Variants in SYN2 observed in about 807,000 individuals in gnomAD.
SYN2 encodes synapsin-2.
SYN2 carries 19 observed loss-of-function variants against 50.9 expected under a neutral mutation model. The ratio of observed to expected loss-of-function variants is 0.37; its 90% CI spans 0.26 to 0.55. SYN2 has a LOEUF of 0.55. Among genes scored for constraint, SYN2 ranks in the 20% least tolerant of loss-of-function variants. The pLI is 0.81. For synonymous variants in SYN2, 255 were observed against 224.9 expected (o/e 1.13, Z -1.20); for missense variants, 587 against 576.4 (o/e 1.02, Z -0.19).
At chr3:12,050,698 T>C (rs1694837297) in intron 1 of SYN2, among the ~76,000 whole-genome samples, 1 of 143,406 alleles carries the variant, frequency 7.0e-6, no homozygotes, top group Non-Finnish European at 1.5e-5. Context: ...TAATCTCATC[T>C]TTCTTCTCTT....
At chr3:12,057,065 G>A (rs1695005882) in intron 1 of SYN2, among the ~76,000 whole-genome samples, 1 of 152,134 alleles carries the variant, frequency 6.6e-6, no homozygotes, top group Non-Finnish European at 1.5e-5. Flanking sequence ...GCTGAGGCAA[G>A]CGGATCACTT....
rs73139662 is a variant in SYN2 at position 12,109,098 on chromosome 3, G to C, written c.378-31553G>C. ...CATTATCATGAATCATTTTAAGGGA[G>C]TATTTTATAGAAAATTGGAATAGGG... On this transcript the variant is annotated intron_variant, in intron 1 of 12. Coordinates refer to ENST00000621198, the MANE Select transcript of SYN2 (RefSeq NM_133625.6). Among the ~76,000 whole-genome samples the C allele has an allele frequency of 1.6e-3, 248 of 152,206 alleles. 3 individuals carry two copies. Among genetic ancestry groups the C allele is most frequent in the African/African-American group, 5.6e-3 (234 of 41,510 alleles).
At position 12,082,993 on chromosome 3, in the gene SYN2, C is replaced by T. The variant is rs1018556749; in HGVS notation, c.378-57658C>T. Among the ~76,000 whole-genome samples the T allele has an allele frequency of 3.9e-5, 6 of 152,034 alleles. No individual in the cohort carries two copies. The South Asian group carries it at 8.3e-4, about 21-fold the overall frequency. On this transcript the variant is annotated intron_variant, in intron 1 of 12. Transcript: ENST00000621198. ...TACCTAGTAGAAAAACCTACTTTCC[C>T]GTAATATTTAACCATTCTTCTTCTT...
chr3:12,149,826 C>T (rs1457195943), intron 4 of SYN2, among the ~76,000 whole-genome samples: 1 of 152,152 alleles, frequency 6.6e-6, no homozygotes, highest in Admixed American at 6.5e-5. Flanking sequence ...AGGACCACAA[C>T]AGATGATCAC....
chr3:12,169,718 C>G, intron 9 of SYN2, 39 bp from the exon 10 acceptor site: 1 of 1,610,250 alleles, frequency 6.2e-7, no homozygotes, highest in Non-Finnish European at 8.5e-7. Flanking sequence ...ATTTATGTTT[C>G]CAGACCCCTT....
chr3:12,110,476 C>T (rs1425319588), intron 1 of SYN2, among the ~76,000 whole-genome samples: 2 of 152,186 alleles, frequency 1.3e-5, no homozygotes, highest in Non-Finnish European at 2.9e-5. Context: ...CTAGGTGATG[C>T]CCCAGTAGGG....
At chr3:12,049,259 C>T (rs545345771) in intron 1 of SYN2, among the ~76,000 whole-genome samples, 4 of 151,964 alleles carry the variant, frequency 2.6e-5, no homozygotes, top group African/African-American at 9.7e-5. Context: ...TGGCTCATGC[C>T]CATAATCCTA....
chr3:12,046,254 G>T lies in SYN2; in HGVS notation c.377+41326G>T, dbSNP rs539485487. On this transcript the variant is annotated intron_variant, in intron 1 of 12. Coordinates refer to ENST00000621198, the MANE Select transcript of SYN2 (RefSeq NM_133625.6). ...ATCTGAGGAGTTGGGAAAGGTTTTG[G>T]TGAGTATATTACATTTAAAATGAGA... 1.3e-5 allele frequency among the ~76,000 whole-genome samples: 2 copies of T among 152,266 alleles called. 1 individual carries two copies. Among genetic ancestry groups the T allele is most frequent in the African/African-American group, 4.8e-5 (2 of 41,550 alleles).
intron 1 of SYN2, among the ~76,000 whole-genome samples, chr3:12,006,758 G>A (rs893170984): frequency 6.6e-6 from 1 of 152,160 alleles, no homozygotes. Context: ...ACACAAAGTG[G>A]ATACATGAAA....
chr3:12,128,485 G>T (rs188735287), intron 1 of SYN2, among the ~76,000 whole-genome samples: 5 of 152,044 alleles, frequency 3.3e-5, no homozygotes, highest in Non-Finnish European at 7.4e-5. Flanking sequence ...CCTTCTTCAG[G>T]CTTCTGTTTC....
At chr3:12,009,240 C>T (rs764432329) in intron 1 of SYN2, among the ~76,000 whole-genome samples, 5 of 152,060 alleles carry the variant, frequency 3.3e-5, no homozygotes, top group Admixed American at 1.3e-4. Context: ...GGGGAAATCT[C>T]GATCTCGAGA....
intron 1 of SYN2, among the ~76,000 whole-genome samples, chr3:12,136,410 C>T (rs919678246): frequency 3.3e-5 from 5 of 152,190 alleles, no homozygotes; most frequent in Admixed American, 1.3e-4. Flanking sequence ...AATGACACAA[C>T]TAAGACTCAG....
intron 1 of SYN2, among the ~76,000 whole-genome samples, chr3:12,107,449 T>C (rs1696217808): frequency 6.6e-6 from 1 of 152,248 alleles, no homozygotes; most frequent in African/African-American, 2.4e-5. Context: ...GATTAGTAGA[T>C]ACTTAACCCA....
chr3:12,183,241 G>A, intron 10 of SYN2, 71 bp from the exon 11 acceptor site: 1 of 1,542,066 alleles, frequency 6.5e-7, no homozygotes, highest in Non-Finnish European at 8.7e-7. Context: ...TTGCCATGGA[G>A]CCACGTGGTT....
intron 1 of SYN2, among the ~76,000 whole-genome samples, chr3:12,096,242 C>CT (rs896216834): frequency 6.6e-6 from 1 of 152,216 alleles, no homozygotes; most frequent in Non-Finnish European, 1.5e-5. Context: ...TCCTATAAAT[C>CT]TTTCTCTATA....
At chr3:12,022,570 G>C (rs1307983070) in intron 1 of SYN2, among the ~76,000 whole-genome samples, 1 of 151,920 alleles carries the variant, frequency 6.6e-6, no homozygotes, top group East Asian at 1.9e-4. Context: ...ACCATGCCTG[G>C]CTAATTTTTG....
chr3:12,070,831 A>G (rs975941662), intron 1 of SYN2: 6 of 597,764 alleles, frequency 1.0e-5, no homozygotes, highest in Non-Finnish European at 2.0e-5. Context: ...GCACAGCTAC[A>G]GCTTCAACAC....
At chr3:12,097,957 A>G (rs1289560600) in intron 1 of SYN2, among the ~76,000 whole-genome samples, 1 of 152,196 alleles carries the variant, frequency 6.6e-6, no homozygotes, top group Non-Finnish European at 1.5e-5. Context: ...ATACATATGT[A>G]ACAAACCGGC....
At chr3:12,135,561 C>T (rs1696879399) in intron 1 of SYN2, among the ~76,000 whole-genome samples, 1 of 152,204 alleles carries the variant, frequency 6.6e-6, no homozygotes, top group Non-Finnish European at 1.5e-5. Context: ...GAGATTTGAT[C>T]CTTATGCAAA....
Sources: allele counts gnomAD v4.1 joint callset (sites outside exome capture counted in the v4.1 genomes callset), GRCh38; gene constraint gnomAD v4.1.1; transcripts MANE v1.5; gene names NCBI Gene and HGNC (gene_info 2026-07-23, HGNC 2026-07-21).